LUZP2: variants seen among roughly 807,000 people sequenced by gnomAD.
LUZP2 encodes the protein leucine zipper protein 2.
Under a neutral mutation model 51.6 loss-of-function variants are expected in LUZP2, and 52 were observed. The ratio of observed to expected loss-of-function variants is 1.01; its 90% CI spans 0.81 to 1.27. The LOEUF is 1.27. Ranked by LOEUF, LUZP2 falls within the 50% of genes most tolerant of loss-of-function variation. The probability of loss-of-function intolerance (pLI) is 0.00; values close to 1 mark genes in which losing one functional copy is unlikely to be tolerated. For synonymous variants in LUZP2, 154 were observed against 137.3 expected, an observed-to-expected ratio of 1.12 and a Z score of -0.85; for missense variants, 436 against 395.4, an observed-to-expected ratio of 1.10 and a Z score of -0.87.
intron 5 of LUZP2, among the ~76,000 whole-genome samples, chr11:24,811,524 G>A (rs1444441460): frequency 1.3e-5 from 2 of 151,742 alleles, no homozygotes; most frequent in East Asian, 3.9e-4. Flanking sequence ...TTAGTTTCAG[G>A]AGTACATGTG....
intron 5 of LUZP2, among the ~76,000 whole-genome samples, chr11:24,788,254 A>C (rs1445066355): frequency 7.3e-6 from 1 of 137,680 alleles, no homozygotes; most frequent in East Asian, 2.1e-4. Context: ...CAGTGGCACA[A>C]TCTCGGTTCA....
intron 1 of LUZP2, among the ~76,000 whole-genome samples, chr11:24,570,583 A>T (rs1408554242): frequency 6.6e-6 from 1 of 152,046 alleles, no homozygotes; most frequent in Non-Finnish European, 1.5e-5. Context: ...GCATGTCCAG[A>T]AGAGAGTGAG....
At chr11:24,826,190 A>AAAATATATGT (rs1215786412) in intron 5 of LUZP2, among the ~76,000 whole-genome samples, 1 of 67,536 alleles carries the variant, frequency 1.5e-5, no homozygotes, top group Non-Finnish European at 2.6e-5. Flanking sequence ...AAAAAAAAAA[A>AAAATATATGT]ATATATATAT....
At chr11:24,943,166 TA>T (rs1024820317) in intron 7 of LUZP2, among the ~76,000 whole-genome samples, 2 of 152,146 alleles carry the variant, frequency 1.3e-5, no homozygotes, top group African/African-American at 4.8e-5. Flanking sequence ...ATATGACATG[TA>T]AAAAAATCAG....
chr11:24,582,696 A>G (rs1852911526), intron 1 of LUZP2, among the ~76,000 whole-genome samples: 1 of 152,056 alleles, frequency 6.6e-6, no homozygotes, highest in Non-Finnish European at 1.5e-5. Context: ...TGCAACTATC[A>G]CTCATCACAT....
chr11:24,710,102 A>T (rs1377092354), intron 1 of LUZP2, among the ~76,000 whole-genome samples: 1 of 152,128 alleles, frequency 6.6e-6, no homozygotes, highest in Non-Finnish European at 1.5e-5. Flanking sequence ...ACATTTTAAT[A>T]AGTGCTTGTC....
chr11:24,808,818 T>C (rs909586943), intron 5 of LUZP2, among the ~76,000 whole-genome samples: 6 of 152,150 alleles, frequency 3.9e-5, no homozygotes, highest in African/African-American at 1.2e-4. Flanking sequence ...GTTTAAATTC[T>C]ATGTGTGCGT....
intron 1 of LUZP2, among the ~76,000 whole-genome samples, chr11:24,617,850 TAATAAATA>T (rs1031076387): frequency 1.3e-5 from 2 of 151,852 alleles, no homozygotes; most frequent in South Asian, 4.2e-4. Context: ...ATAATAACAA[TAATAAATA>T]AATAAATAAA....
At chr11:24,631,461 T>C (rs1424750085) in intron 1 of LUZP2, among the ~76,000 whole-genome samples, 1 of 151,878 alleles carries the variant, frequency 6.6e-6, no homozygotes, top group African/African-American at 2.4e-5. Context: ...GCTTTTTCTG[T>C]GCCTATAGAG....
intron 1 of LUZP2, among the ~76,000 whole-genome samples, chr11:24,576,730 A>G (rs1375888463): frequency 6.6e-6 from 1 of 152,102 alleles, no homozygotes; most frequent in Non-Finnish European, 1.5e-5. Context: ...TGAATTGTAG[A>G]TAATTTTTAG....
intron 5 of LUZP2, among the ~76,000 whole-genome samples, chr11:24,770,731 A>C (rs1860377761): frequency 6.6e-6 from 1 of 152,220 alleles, no homozygotes; most frequent in African/African-American, 2.4e-5. Flanking sequence ...AGCAGTTACT[A>C]TTCTTGGTTA....
intron 1 of LUZP2, among the ~76,000 whole-genome samples, chr11:24,569,020 AAACAG>A (rs1452781208): frequency 6.7e-6 from 1 of 150,248 alleles, no homozygotes; most frequent in Non-Finnish European, 1.5e-5. Flanking sequence ...AGACAAAACA[AAACAG>A]AAGTTAAAGT....
intron 1 of LUZP2, among the ~76,000 whole-genome samples, chr11:24,547,130 T>G (rs950094276): frequency 2.0e-5 from 3 of 151,826 alleles, no homozygotes; most frequent in Admixed American, 6.6e-5. Context: ...TATTCTAGAT[T>G]CCCTACTGTG....
chr11:24,896,111 A>G (rs1853034446), intron 5 of LUZP2, among the ~76,000 whole-genome samples: 1 of 152,300 alleles, frequency 6.6e-6, no homozygotes, highest in Admixed American at 6.5e-5. Flanking sequence ...CATTTTCTCC[A>G]TATTGAGAGA....
chr11:24,652,941 C>A (rs1447254693), intron 1 of LUZP2, among the ~76,000 whole-genome samples: 3 of 151,948 alleles, frequency 2.0e-5, no homozygotes, highest in Non-Finnish European at 2.9e-5. Flanking sequence ...TTATTGGATT[C>A]TTTTTGCTAC....
At chr11:24,855,428 C>T (rs12292121) in intron 5 of LUZP2, among the ~76,000 whole-genome samples, 23,080 of 152,088 alleles carry the variant, frequency 0.15, 1,913 homozygotes, top group African/African-American at 0.2. Context: ...GAAATATCTC[C>T]GTAAGGAAAC....
At chr11:24,538,210 C>T (rs2133839770) in intron 1 of LUZP2, among the ~76,000 whole-genome samples, 2 of 151,762 alleles carry the variant, frequency 1.3e-5, no homozygotes, top group East Asian at 3.9e-4. Flanking sequence ...AATTTTTCAA[C>T]TATTAAGATG....
At chr11:24,799,090 T>C (rs574283224) in intron 5 of LUZP2, among the ~76,000 whole-genome samples, 83 of 152,318 alleles carry the variant, frequency 5.4e-4, no homozygotes, top group African/African-American at 1.6e-3. Flanking sequence ...ATTTTCTCTT[T>C]CTGCTCCTCC....
At chr11:24,967,373 A>G (rs929031128) in intron 7 of LUZP2, among the ~76,000 whole-genome samples, 1 of 2,366 alleles carries the variant, frequency 4.2e-4, no homozygotes, top group Non-Finnish European at 1.1e-3. Context: ...TTTATTTAAA[A>G]TTTTTATTAG....
Sources: allele counts gnomAD v4.1 joint callset (sites outside exome capture counted in the v4.1 genomes callset), GRCh38; gene constraint gnomAD v4.1.1; transcripts MANE v1.5; gene names NCBI Gene and HGNC (gene_info 2026-07-23, HGNC 2026-07-21).